Variants in EFEMP1 observed in about 807,000 individuals in gnomAD.
EFEMP1 encodes the protein EGF-containing fibulin-like extracellular matrix protein 1.
A neutral mutation model predicts 65.7 loss-of-function variants in EFEMP1; 18 were observed. The observed-to-expected ratio is 0.27, with a 90% CI of 0.19 to 0.41. The LOEUF is 0.41. Among genes scored for constraint, EFEMP1 ranks in the 10% least tolerant of loss-of-function variants. The pLI, the probability that EFEMP1 is intolerant of heterozygous loss-of-function variation, is 1.00. For synonymous variants in EFEMP1, 237 were observed against 219.7 expected (o/e 1.08, Z -0.70); for missense variants, 469 against 624.8 (o/e 0.75, Z 2.66).
intron 11 of EFEMP1, among the ~76,000 whole-genome samples, chr2:55,869,777 C>G (rs145080952): frequency 6.6e-6 from 1 of 152,076 alleles, no homozygotes; most frequent in African/African-American, 2.4e-5. Context: ...TAGCATGAAA[C>G]AGTTACCGTA....
At position 55,919,581 on chromosome 2, in the gene EFEMP1, G is replaced by T. The variant is rs972933516; in HGVS notation, c.82-1314C>A. 5.3e-5 allele frequency among the ~76,000 whole-genome samples: 8 copies of T among 152,206 alleles called. No homozygotes were observed. Among genetic ancestry groups the T allele is most frequent in the South Asian group, 2.1e-4 (1 of 4,830 alleles). ...ACTGTAAGGAAGAAGCCCAAGGAAGGATTGAGCAAAAGTGGAGTAAACAAA... is the reference window on the plus strand; with the variant it reads ...ACTGTAAGGAAGAAGCCCAAGGAAGTATTGAGCAAAAGTGGAGTAAACAAA... On this transcript the variant is annotated intron_variant, in intron 3 of 11. Coordinates refer to ENST00000355426, the MANE Select transcript of EFEMP1 (RefSeq NM_001039348.3). The surrounding 1 kb of genome is among the most constrained non-coding windows in gnomAD (Gnocchi z 4.5).
chr2:55,866,435 A>G lies in EFEMP1; in HGVS notation c.*638T>C, dbSNP rs1488284202. On this transcript the variant is annotated 3_prime_UTR_variant, in exon 12 of 12. Coordinates refer to ENST00000355426, the MANE Select transcript of EFEMP1 (RefSeq NM_001039348.3). Reference sequence around the variant, plus strand: ...CTGGTTCATTTTGGGAATTCTGGAAAATTTTGCTTACTGTTTTTTACAAAA... The same window carrying G: ...CTGGTTCATTTTGGGAATTCTGGAAGATTTTGCTTACTGTTTTTTACAAAA... 1 of 152,200 alleles carries G rather than the reference A, an allele frequency of 6.6e-6. No homozygotes were observed. Among genetic ancestry groups the G allele is most frequent in the East Asian group, 1.9e-4 (1 of 5,198 alleles). 9.4% of individuals were successfully genotyped at this position (152,200 alleles called of 1,614,324 possible). A position where few individuals can be genotyped will look rare whatever the true frequency, so the allele number is the denominator to read the frequency against.
At position 55,917,326 on chromosome 2, in the gene EFEMP1, C is replaced by G. The variant is rs989907830; in HGVS notation, c.517+339G>C. Among the ~76,000 whole-genome samples the G allele has an allele frequency of 6.6e-6, 1 of 152,078 alleles. No individual in the cohort carries two copies. The highest frequency in any genetic ancestry group is 2.4e-5 in the African/African-American group (1 of 41,404). On this transcript the variant is annotated intron_variant, in intron 5 of 11. Transcript: ENST00000355426. The surrounding 1 kb of genome is among the most constrained non-coding windows in gnomAD (Gnocchi z 6.3). ...GCACATGAGGAACTGAAAAAAAAGC[C>G]GATGCCTGGAACCCACCTCAGAGAC...
intron 5 of EFEMP1, among the ~76,000 whole-genome samples, chr2:55,889,800 G>A (rs1293221786): frequency 6.9e-6 from 1 of 145,960 alleles, no homozygotes; most frequent in Non-Finnish European, 1.5e-5. Flanking sequence ...CAAATGATCT[G>A]TAGGAAAAAC....
Position 55,922,814 on chromosome 2 carries a change from C to T in EFEMP1, c.-8+85G>A, listed in dbSNP as rs998076708. On this transcript the variant is annotated intron_variant, in intron 2 of 11. Transcript: ENST00000355426. The surrounding 1 kb of genome is among the most constrained non-coding windows in gnomAD (Gnocchi z 5.5). ...TTCAAAGGGGACGGTGCATTTCCTG[C>T]CCCCCAGTCCCACACCCCGGGGGAT... is the stretch of plus-strand genomic sequence containing the variant. 4 of 1,022,956 alleles carry T rather than the reference C, an allele frequency of 3.9e-6. No individual in the cohort carries two copies. Among genetic ancestry groups the T allele is most frequent in the Non-Finnish European group, 3.8e-6 (3 of 797,712 alleles). The allele number at this position is 1,022,956 out of a possible 1,614,324, so 63.4% of individuals were successfully genotyped here.
intron 8 of EFEMP1, among the ~76,000 whole-genome samples, chr2:55,875,455 G>A (rs1668997065): frequency 6.6e-6 from 1 of 151,678 alleles, no homozygotes; most frequent in African/African-American, 2.4e-5. Context: ...TGCAAATTCT[G>A]AAATAGAAAT....
chr2:55,919,773 T>G lies in EFEMP1; in HGVS notation c.82-1506A>C, dbSNP rs1670850574. Among the ~76,000 whole-genome samples, 1 of 152,206 alleles carries G rather than the reference T, an allele frequency of 6.6e-6. No individual in the cohort carries two copies. The highest frequency in any genetic ancestry group is 6.5e-5 in the Admixed American group (1 of 15,282). On this transcript the variant is annotated intron_variant, in intron 3 of 11. Transcript: ENST00000355426. The surrounding 1 kb of genome is among the most constrained non-coding windows in gnomAD (Gnocchi z 4.5). Reference sequence around the variant, plus strand: ...AATTCACTTTGTCTCTCAGACTAATTTTTTTCTTGTTTCCCAAACAGTGTT... The same window carrying G: ...AATTCACTTTGTCTCTCAGACTAATGTTTTTCTTGTTTCCCAAACAGTGTT...
Position 55,922,665 on chromosome 2 carries a change from C to T in EFEMP1, c.-7-218G>A. The T allele has an allele frequency of 1.8e-6, 1 of 544,118 alleles. No individual in the cohort carries two copies. Among genetic ancestry groups the T allele is most frequent in the Non-Finnish European group, 3.3e-6 (1 of 306,634 alleles). 33.7% of individuals were successfully genotyped at this position (544,118 alleles called of 1,614,324 possible). ...AGACGTAAAAACTGCTGTAGAATTG[C>T]ATTTCACGTTACTCCATCCTGCTAC... is the stretch of plus-strand genomic sequence containing the variant. On this transcript the variant is annotated intron_variant, in intron 2 of 11. Coordinates refer to ENST00000355426, the MANE Select transcript of EFEMP1 (RefSeq NM_001039348.3). The surrounding 1 kb of genome is among the most constrained non-coding windows in gnomAD (Gnocchi z 5.5).
At position 55,877,893 on chromosome 2, in the gene EFEMP1, G is replaced by A. The variant is rs773790226; in HGVS notation, c.641-28C>T. 2 of 1,611,282 alleles carry A rather than the reference G, an allele frequency of 1.2e-6. No homozygotes were observed. Among genetic ancestry groups the A allele is most frequent in the Non-Finnish European group, 1.7e-6 (2 of 1,177,956 alleles). On this transcript the variant is annotated intron_variant, in intron 6 of 11. Coordinates refer to ENST00000355426, the MANE Select transcript of EFEMP1 (RefSeq NM_001039348.3). The surrounding 1 kb of genome is among the most constrained non-coding windows in gnomAD (Gnocchi z 4.5). Reference sequence around the variant, plus strand: ...AGGTTATCAGGCACACACACAAAGAGAACCAAATTATTGAATTAGCATTCT... The same window carrying A: ...AGGTTATCAGGCACACACACAAAGAAAACCAAATTATTGAATTAGCATTCT...
chr2:55,875,609 A>G (rs11899888), intron 8 of EFEMP1, among the ~76,000 whole-genome samples: 16,272 of 151,996 alleles, frequency 0.11, 1,102 homozygotes, highest in Middle Eastern at 0.15. Flanking sequence ...ACCTAACTAC[A>G]CTACTGAATG....
intron 5 of EFEMP1, among the ~76,000 whole-genome samples, chr2:55,915,497 T>C (rs1183764110): frequency 6.6e-6 from 1 of 152,220 alleles, no homozygotes; most frequent in Non-Finnish European, 1.5e-5. Flanking sequence ...AACCAATACA[T>C]GTTGTAAGTC....
chr2:55,888,205 C>A (rs986396630), intron 5 of EFEMP1, among the ~76,000 whole-genome samples: 8 of 152,106 alleles, frequency 5.3e-5, no homozygotes, highest in Admixed American at 6.5e-5. Flanking sequence ...CAACATGAAG[C>A]TTATGCTTTC....
rs113171924 is a variant in EFEMP1 at position 55,869,420 on chromosome 2, A to T, written c.1320+1300T>A. ...AGAATATGTCAAATTTAAAATATCA[A>T]ATGTTAAAGAACTATAATATATTCT... On this transcript the variant is annotated intron_variant, in intron 11 of 11. Transcript: ENST00000355426. Among the ~76,000 whole-genome samples, 10 of 152,268 alleles carry T rather than the reference A, an allele frequency of 6.6e-5. 1 individual carries two copies. Among genetic ancestry groups the T allele is most frequent in the African/African-American group, 2.4e-4 (10 of 41,566 alleles).
rs1332112101 is a variant in EFEMP1 at position 55,917,144 on chromosome 2, G to A, written c.517+521C>T. On this transcript the variant is annotated intron_variant, in intron 5 of 11. Transcript: ENST00000355426. The surrounding 1 kb of genome is among the most constrained non-coding windows in gnomAD (Gnocchi z 6.3). ...AAAAGAAACTTGAGAAACCAAAGGG[G>A]TACATCTGTAGAGTAGCTTGACAGC... is the stretch of plus-strand genomic sequence containing the variant. 1.3e-5 allele frequency among the ~76,000 whole-genome samples: 2 copies of A among 152,178 alleles called. No homozygotes were observed. The highest frequency in any genetic ancestry group is 2.9e-5 in the Non-Finnish European group (2 of 68,038).
At position 55,922,488 on chromosome 2, in the gene EFEMP1, T is replaced by G; in HGVS notation, c.-7-41A>C. The G allele has an allele frequency of 1.3e-6, 2 of 1,580,882 alleles. No individual in the cohort carries two copies. On this transcript the variant is annotated intron_variant, in intron 2 of 11. Coordinates refer to ENST00000355426, the MANE Select transcript of EFEMP1 (RefSeq NM_001039348.3). This position sits in a 1 kb window ranked among gnomAD's most constrained non-coding sequence, Gnocchi z 5.5. ...GGACAAACTAATGTTTAGTATCTGC[T>G]GCGGGGAAAGTAACAAAACTTTAGC...
chr2:55,911,810 G>A (rs764461054), intron 5 of EFEMP1, among the ~76,000 whole-genome samples: 10 of 152,084 alleles, frequency 6.6e-5, no homozygotes, highest in Non-Finnish European at 1.0e-4. Context: ...TTTTTATGAA[G>A]CAATTTTAAG....
At chr2:55,872,572 A>T (rs1668853432) in intron 9 of EFEMP1, among the ~76,000 whole-genome samples, 1 of 152,140 alleles carries the variant, frequency 6.6e-6, no homozygotes. Context: ...GATGAAAAAC[A>T]AATAAGGGTT....
rs1670740548 is a variant in EFEMP1, at chr2:55,917,515, A to C, written c.517+150T>G. ...ATGACAACTACAGCAACTACCCTTTAGGAATATTGTGATGATTAAATATAA... is the reference window on the plus strand; with the variant it reads ...ATGACAACTACAGCAACTACCCTTTCGGAATATTGTGATGATTAAATATAA... On this transcript the variant is annotated intron_variant, in intron 5 of 11. Coordinates refer to ENST00000355426, the MANE Select transcript of EFEMP1 (RefSeq NM_001039348.3). The surrounding 1 kb of genome is among the most constrained non-coding windows in gnomAD (Gnocchi z 6.3). 4 of 1,052,246 alleles carry C rather than the reference A, an allele frequency of 3.8e-6. No individual in the cohort carries two copies. The highest frequency in any genetic ancestry group is 5.8e-6 in the Non-Finnish European group (4 of 685,886). The allele number at this position is 1,052,246 out of a possible 1,614,324, so 65.2% of individuals were successfully genotyped here. A position where few individuals can be genotyped will look rare whatever the true frequency, so the allele number is the denominator to read the frequency against.
At position 55,922,610 on chromosome 2, in the gene EFEMP1, C is replaced by G. The variant is rs1243825665; in HGVS notation, c.-7-163G>C. The G allele has an allele frequency of 5.7e-6, 4 of 702,564 alleles. No individual in the cohort carries two copies. In the East Asian group the frequency reaches 9.0e-5, roughly 16 times the overall value. 43.5% of individuals were successfully genotyped at this position (702,564 alleles called of 1,614,324 possible). ...CTCATCTCCCCTCCCCCTCCTGAAC[C>G]TTCTCGGTAGCCAACGAACGAGGCA... On this transcript the variant is annotated intron_variant, in intron 2 of 11. Transcript: ENST00000355426. The surrounding 1 kb of genome is among the most constrained non-coding windows in gnomAD (Gnocchi z 5.5).
Sources: gnomAD v4.1 joint callset for allele counts (sites outside exome capture counted in the v4.1 genomes callset) on GRCh38, gnomAD v4.1.1 for gene constraint, Gnocchi (gnomAD v3.1) non-coding constraint, MANE v1.5 for transcripts, NCBI Gene and HGNC (gene_info 2026-07-23, HGNC 2026-07-21) for gene names.